Variants in PRKAR1B observed in about 807,000 individuals in gnomAD.
The protein encoded by PRKAR1B is protein kinase cAMP-dependent type I regulatory subunit beta.
In PRKAR1B, 22 loss-of-function variants were observed where a neutral mutation model predicts 46.5. That is an observed-to-expected ratio of 0.47 (90% CI 0.34 to 0.68). The LOEUF is 0.68. PRKAR1B is among the 30% of genes least tolerant of loss of function. The probability of loss-of-function intolerance (pLI) is 0.01; values close to 1 mark genes in which losing one functional copy is unlikely to be tolerated. For synonymous variants in PRKAR1B, 259 were observed against 217.7 expected (o/e 1.19, Z -1.67); for missense variants, 445 against 535.6 (o/e 0.83, Z 1.67).
At chr7:637,854 A>C (rs1210377631) in intron 4 of PRKAR1B, among the ~76,000 whole-genome samples, 1 of 152,094 alleles carries the variant, frequency 6.6e-6, no homozygotes. Context: ...TAAATAAATA[A>C]ATAACAGGGA....
At chr7:617,451 C>T (rs147691975) in intron 4 of PRKAR1B, among the ~76,000 whole-genome samples, 3 of 152,126 alleles carry the variant, frequency 2.0e-5, no homozygotes, top group South Asian at 2.1e-4. Context: ...ACCACCAGCC[C>T]GAACCACCAC....
intron 9 of PRKAR1B, among the ~76,000 whole-genome samples, chr7:577,250 C>T (rs558284373): frequency 6.6e-6 from 1 of 152,228 alleles, no homozygotes; most frequent in Non-Finnish European, 1.5e-5. Flanking sequence ...TCTTTGCTGA[C>T]CTCCTGTTTC....
rs142687236 is a variant in PRKAR1B, at chr7:680,586, G to A, written c.318C>T (p.Thr106=). The A allele has an allele frequency of 2.6e-5, 42 of 1,612,004 alleles. No individual in the cohort carries two copies. Among genetic ancestry groups the A allele is most frequent in the Non-Finnish European group, 3.4e-5 (40 of 1,179,652 alleles). Residue 106 remains threonine (T), a synonymous_variant, in exon 3 of 11, where the codon ACC becomes ACT. Coordinates refer to ENST00000537384, the MANE Select transcript of PRKAR1B (RefSeq NM_001164760.2). ...TGACGTAGGACACGGCGTCCTCCTC[G>A]GTGTACACCTCGGCACTCACGCCTC... ...RRGGVSAEVY[T]EEDAVSYVRK...
chr7:703,451 C>T (rs528636972), intron 2 of PRKAR1B, among the ~76,000 whole-genome samples: 36 of 152,078 alleles, frequency 2.4e-4, no homozygotes, highest in South Asian at 8.3e-4. Flanking sequence ...TCGAGACCAT[C>T]GATCTCCTGT....
At chr7:587,937 G>A (rs774963535) in intron 7 of PRKAR1B, among the ~76,000 whole-genome samples, 7 of 152,226 alleles carry the variant, frequency 4.6e-5, no homozygotes, top group African/African-American at 7.2e-5. Flanking sequence ...GAGGAATGGC[G>A]CGCAAGTCCC....
intron 10 of PRKAR1B, among the ~76,000 whole-genome samples, chr7:550,897 A>G (rs1394824684): frequency 6.7e-6 from 1 of 149,226 alleles, no homozygotes; most frequent in Non-Finnish European, 1.5e-5. Context: ...TAGGACCCAG[A>G]CCCCCAGCTG....
chr7:708,627 C>T (rs1232830307), intron 2 of PRKAR1B, among the ~76,000 whole-genome samples: 4 of 152,222 alleles, frequency 2.6e-5, no homozygotes, highest in Admixed American at 2.6e-4. Flanking sequence ...GTTGGGATTA[C>T]AGGCACATGC....
chr7:705,589 A>G (rs1490514209), intron 2 of PRKAR1B, among the ~76,000 whole-genome samples: 3 of 152,202 alleles, frequency 2.0e-5, no homozygotes, highest in African/African-American at 7.2e-5. Flanking sequence ...TGTAAGACGA[A>G]TATTTATAGC....
chr7:682,433 T>C (rs545132141), intron 2 of PRKAR1B, among the ~76,000 whole-genome samples: 35 of 151,946 alleles, frequency 2.3e-4, no homozygotes, highest in African/African-American at 8.2e-4. Flanking sequence ...CTGGGCAACA[T>C]AGTGAGACCA....
At chr7:727,296 C>A, upstream of PRKAR1B, 1 of 1,301,586 alleles carries the variant, frequency 7.7e-7, no homozygotes, top group Non-Finnish European at 9.7e-7. Flanking sequence ...GCGCCGCCGC[C>A]CTGGCGCAGG....
At chr7:718,799 C>A (rs1780973142) in intron 1 of PRKAR1B, among the ~76,000 whole-genome samples, 2 of 150,234 alleles carry the variant, frequency 1.3e-5, no homozygotes, top group African/African-American at 4.9e-5. Context: ...CTGACCTTTT[C>A]TCTTACATAC....
intron 4 of PRKAR1B, among the ~76,000 whole-genome samples, chr7:675,482 T>C (rs1458413862): frequency 1.3e-5 from 2 of 152,248 alleles, no homozygotes; most frequent in Non-Finnish European, 2.9e-5. Flanking sequence ...AGTATCAAAA[T>C]ATGCTCAGTT....
At chr7:700,733 A>G (rs1780011855) in intron 2 of PRKAR1B, among the ~76,000 whole-genome samples, 1 of 152,232 alleles carries the variant, frequency 6.6e-6, no homozygotes, top group African/African-American at 2.4e-5. Context: ...AGGAGGAACT[A>G]CCAAATAAAT....
intron 2 of PRKAR1B, among the ~76,000 whole-genome samples, chr7:707,783 G>A (rs1018172590): frequency 4.0e-5 from 6 of 151,738 alleles, no homozygotes; most frequent in East Asian, 1.9e-4. Context: ...ACCCACAATC[G>A]CCAGCACCAC....
At chr7:654,596 T>A (rs1583363317) in intron 4 of PRKAR1B, among the ~76,000 whole-genome samples, 2 of 138,530 alleles carry the variant, frequency 1.4e-5, no homozygotes, top group African/African-American at 5.5e-5. Context: ...CTTCACCACC[T>A]TCACCATCAC....
At chr7:726,382 G>C (rs958753688) in intron 1 of PRKAR1B, among the ~76,000 whole-genome samples, 2 of 152,176 alleles carry the variant, frequency 1.3e-5, no homozygotes, top group Non-Finnish European at 2.9e-5. Context: ...GGACCACTCA[G>C]GTTCCTTCTC....
intron 4 of PRKAR1B, among the ~76,000 whole-genome samples, chr7:608,811 TGTAGGGAGGGCC>T (rs1562559878): frequency 9.6e-4 from 53 of 55,296 alleles, no homozygotes; most frequent in Non-Finnish European, 1.0e-3. Flanking sequence ...GTGGCAGGGC[TGTAGGGAGGGCC>T]GGGGGGCCTC....
At chr7:718,348 C>A (rs1471031487) in intron 1 of PRKAR1B, among the ~76,000 whole-genome samples, 5 of 139,876 alleles carry the variant, frequency 3.6e-5, no homozygotes, top group Admixed American at 7.3e-5. Context: ...ATATATATAT[C>A]TCCTCCTGCT....
chr7:641,823 T>G (rs904456173), intron 4 of PRKAR1B, among the ~76,000 whole-genome samples: 2 of 152,194 alleles, frequency 1.3e-5, no homozygotes, highest in Non-Finnish European at 2.9e-5. Context: ...ATTTATGTAT[T>G]TATTTACTTT....
Sources: allele counts gnomAD v4.1 joint callset (sites outside exome capture counted in the v4.1 genomes callset), GRCh38; gene constraint gnomAD v4.1.1; transcripts MANE v1.5; gene names NCBI Gene and HGNC (gene_info 2026-07-23, HGNC 2026-07-21).